Variants in NRG3 observed in about 807,000 individuals in gnomAD.
NRG3 encodes pro-neuregulin-3, membrane-bound isoform.
A neutral mutation model predicts 66.9 loss-of-function variants in NRG3; 31 were observed. The observed-to-expected ratio is 0.46, with a 90% CI of 0.35 to 0.63. The LOEUF (loss-of-function observed/expected upper bound fraction) is 0.63. Among genes scored for constraint, NRG3 ranks in the 20% least tolerant of loss-of-function variants. The pLI is 0.00. For missense variants in NRG3, 910 were observed against 878.9 expected (o/e 1.04, Z -0.45); for synonymous variants, 393 against 359.4 (o/e 1.09, Z -1.06).
At chr10:82,407,220 A>G (rs2087588249) in intron 2 of NRG3, among the ~76,000 whole-genome samples, 1 of 152,126 alleles carries the variant, frequency 6.6e-6, no homozygotes, top group African/African-American at 2.4e-5. Context: ...CACAGAAGAG[A>G]ACAATTAAAA....
intron 2 of NRG3, among the ~76,000 whole-genome samples, chr10:82,424,260 C>T (rs2089273250): frequency 6.6e-6 from 1 of 151,920 alleles, no homozygotes. Flanking sequence ...TTTTAAATCC[C>T]ACCAGCAAAA....
At chr10:82,100,503 C>T (rs1008646550) in intron 1 of NRG3, among the ~76,000 whole-genome samples, 6 of 152,214 alleles carry the variant, frequency 3.9e-5, no homozygotes, top group African/African-American at 1.4e-4. Flanking sequence ...TTAAATATAA[C>T]AGTAGTCTAA....
At chr10:82,686,259 C>T (rs1372809142) in intron 2 of NRG3, among the ~76,000 whole-genome samples, 1 of 151,570 alleles carries the variant, frequency 6.6e-6, no homozygotes, top group Admixed American at 6.6e-5. Context: ...ATGATCTTGG[C>T]TCACTGCAAC....
At chr10:82,668,241 G>T (rs1272945207) in intron 2 of NRG3, among the ~76,000 whole-genome samples, 2 of 152,112 alleles carry the variant, frequency 1.3e-5, no homozygotes, top group African/African-American at 4.8e-5. Context: ...AGGTTCTCTG[G>T]AAATGCAGAA....
At chr10:82,866,070 T>A (rs192543100) in intron 4 of NRG3, among the ~76,000 whole-genome samples, 14 of 152,256 alleles carry the variant, frequency 9.2e-5, no homozygotes, top group African/African-American at 2.4e-4. Context: ...AAATTAGACC[T>A]AATTCTCTGA....
At chr10:81,903,593 G>A (rs1040454489) in intron 1 of NRG3, among the ~76,000 whole-genome samples, 6 of 152,122 alleles carry the variant, frequency 3.9e-5, no homozygotes, top group Admixed American at 6.5e-5. Flanking sequence ...AAAGTATGCC[G>A]AGAACTCGTA....
intron 1 of NRG3, among the ~76,000 whole-genome samples, chr10:82,326,151 G>C (rs190487854): frequency 5.7e-4 from 86 of 152,210 alleles, no homozygotes; most frequent in African/African-American, 2.0e-3. Context: ...AGATACTTTT[G>C]TTGAGTAAAG....
chr10:82,887,152 C>T (rs1842791694), intron 4 of NRG3, among the ~76,000 whole-genome samples: 1 of 152,166 alleles, frequency 6.6e-6, no homozygotes, highest in Admixed American at 6.5e-5. Flanking sequence ...TTTGTAAGCT[C>T]CTACTACCGT....
chr10:82,509,823 A>G (rs1486019587), intron 2 of NRG3, among the ~76,000 whole-genome samples: 1 of 152,198 alleles, frequency 6.6e-6, no homozygotes, highest in East Asian at 1.9e-4. Flanking sequence ...CATTATGGTC[A>G]ACCTCCTGTC....
At chr10:82,417,273 A>G (rs773924908) in intron 2 of NRG3, among the ~76,000 whole-genome samples, 2 of 152,178 alleles carry the variant, frequency 1.3e-5, no homozygotes, top group Non-Finnish European at 2.9e-5. Context: ...TCAATAAGAG[A>G]GAGAGACCTT....
chr10:82,149,815 T>TA (rs1431341672), intron 1 of NRG3, among the ~76,000 whole-genome samples: 1 of 152,050 alleles, frequency 6.6e-6, no homozygotes, highest in African/African-American at 2.4e-5. Context: ...TTGGTGCAGA[T>TA]ATGAGAAAGC....
At chr10:81,993,427 A>G (rs919627262) in intron 1 of NRG3, among the ~76,000 whole-genome samples, 4 of 152,014 alleles carry the variant, frequency 2.6e-5, no homozygotes, top group Non-Finnish European at 5.9e-5. Context: ...GCTCACTGTA[A>G]CCTCAAACTC....
At chr10:82,877,634 G>A (rs138860632) in intron 4 of NRG3, among the ~76,000 whole-genome samples, 5,372 of 147,206 alleles carry the variant, frequency 0.036, 143 homozygotes, top group Non-Finnish European at 0.056. Flanking sequence ...GGTGATCCAC[G>A]TGCCTCAGCC....
chr10:82,149,729 C>T lies in NRG3; in HGVS notation c.824-209010C>T, dbSNP rs180905224. The stretch of plus-strand genomic sequence containing the variant: ...TCTGTTTTTTTTTTTTTTCTAAAGC[C>T]TCCCAGTAGAATGTCAGACTAATAA... On this transcript the variant is annotated intron_variant, in intron 1 of 8. Coordinates refer to ENST00000372141, the MANE Select transcript of NRG3 (RefSeq NM_001010848.4). 3.6e-3 allele frequency among the ~76,000 whole-genome samples: 542 copies of T among 151,196 alleles called. 5 individuals carry two copies. Among genetic ancestry groups the T allele is most frequent in the South Asian group, 0.027 (130 of 4,778 alleles).
chr10:82,644,207 T>C (rs56358413), intron 2 of NRG3, among the ~76,000 whole-genome samples: 16,956 of 152,088 alleles, frequency 0.11, 1,037 homozygotes, highest in East Asian at 0.23. Context: ...CTCACCCCAC[T>C]TTCAGAGGTA....
At chr10:81,962,954 G>A (rs2059578231) in intron 1 of NRG3, among the ~76,000 whole-genome samples, 1 of 152,040 alleles carries the variant, frequency 6.6e-6, no homozygotes, top group Non-Finnish European at 1.5e-5. Context: ...GCTTATAACC[G>A]ACACAACTCG....
intron 2 of NRG3, among the ~76,000 whole-genome samples, chr10:82,480,092 C>G (rs1399297708): frequency 6.6e-6 from 1 of 152,186 alleles, no homozygotes; most frequent in Non-Finnish European, 1.5e-5. Context: ...ATGAAAGAAG[C>G]CAAACTCGAA....
rs559591686 is a variant in NRG3, at chr10:82,968,855, GGACTCACA to G, written c.1285-4931_1285-4924del. On this transcript the variant is annotated intron_variant, in intron 6 of 8. Transcript: ENST00000372141. ...ATTTATGAAGAAAAAGAGGTTTAAT[GGACTCACA>G]GTTTCATATGGCTGGTGAGGCCTCA... Among the ~76,000 whole-genome samples the G allele has an allele frequency of 1.8e-3, 269 of 152,282 alleles. 3 individuals are homozygous for G. Among genetic ancestry groups the G allele is most frequent in the African/African-American group, 6.2e-3 (258 of 41,554 alleles).
At chr10:82,131,427 T>A (rs1373873627) in intron 1 of NRG3, among the ~76,000 whole-genome samples, 1 of 152,186 alleles carries the variant, frequency 6.6e-6, no homozygotes, top group Non-Finnish European at 1.5e-5. Flanking sequence ...CCATGCTGTT[T>A]GGGTTACAAT....
Sources: gnomAD v4.1 joint callset for allele counts (sites outside exome capture counted in the v4.1 genomes callset) on GRCh38, gnomAD v4.1.1 for gene constraint, MANE v1.5 for transcripts, NCBI Gene and HGNC (gene_info 2026-07-23, HGNC 2026-07-21) for gene names.